The following LTBP1 variants were observed in gnomAD, a reference collection of about 807,000 sequenced individuals.
LTBP1 encodes the protein latent transforming growth factor beta binding protein 1, also known as latent-transforming growth factor beta-binding protein 1.
A neutral mutation model predicts 207.6 loss-of-function variants in LTBP1; 129 were observed. The ratio of observed to expected loss-of-function variants is 0.62; its 90% CI spans 0.54 to 0.72. LTBP1 has a LOEUF of 0.72. Among genes scored for constraint, LTBP1 ranks in the 30% least tolerant of loss-of-function variants. The probability of loss-of-function intolerance (pLI) is 0.00; values close to 1 mark genes in which losing one functional copy is unlikely to be tolerated. For synonymous variants in LTBP1, 963 were observed against 833.7 expected (o/e 1.16, Z -2.67); for missense variants, 2,281 against 2,217.2 (o/e 1.03, Z -0.58).
At chr2:33,022,227 G>C (rs935159558) in intron 3 of LTBP1, among the ~76,000 whole-genome samples, 1 of 146,906 alleles carries the variant, frequency 6.8e-6, no homozygotes, top group South Asian at 2.1e-4. Flanking sequence ...TCTTCTGAGT[G>C]TGGTCTTTTT....
At chr2:33,116,716 A>G (rs530549513) in intron 4 of LTBP1, among the ~76,000 whole-genome samples, 1 of 151,202 alleles carries the variant, frequency 6.6e-6, no homozygotes, top group Non-Finnish European at 1.5e-5. Flanking sequence ...TTGTCATCTG[A>G]TGTACTAACA....
Position 33,351,184 on chromosome 2 carries a change from T to A in LTBP1, c.4000+3674T>A, listed in dbSNP as rs149052866. Reference sequence around the variant, plus strand: ...GCTAATACATCTTATTCCCACATCATGAGCTATATCCTAGACTTCTGCATT... The same window carrying A: ...GCTAATACATCTTATTCCCACATCAAGAGCTATATCCTAGACTTCTGCATT... On this transcript the variant is annotated intron_variant, in intron 26 of 33. Transcript: ENST00000404816. Among the ~76,000 whole-genome samples, 1,493 of 152,356 alleles carry A rather than the reference T, an allele frequency of 9.8e-3. 10 individuals carry two copies. Among genetic ancestry groups the A allele is most frequent in the South Asian group, 0.02 (99 of 4,834 alleles).
chr2:32,978,641 G>A (rs1242136978), intron 2 of LTBP1, among the ~76,000 whole-genome samples: 2 of 150,092 alleles, frequency 1.3e-5, no homozygotes, highest in Non-Finnish European at 3.0e-5. Flanking sequence ...GTTTATTAAG[G>A]ATATTGGCCT....
At chr2:33,118,249 C>T (rs2150354603) in intron 4 of LTBP1, among the ~76,000 whole-genome samples, 1 of 151,022 alleles carries the variant, frequency 6.6e-6, no homozygotes, top group East Asian at 1.9e-4. Context: ...TTGGCTTACA[C>T]CAACCCAGTG....
chr2:33,207,219 A>T (rs2089951850), intron 7 of LTBP1, among the ~76,000 whole-genome samples: 1 of 152,106 alleles, frequency 6.6e-6, no homozygotes, highest in Admixed American at 6.6e-5. Context: ...TTCATATGTG[A>T]CTTTAAAAAC....
intron 3 of LTBP1, among the ~76,000 whole-genome samples, chr2:33,109,024 A>G (rs1322462121): frequency 6.6e-6 from 1 of 152,222 alleles, no homozygotes; most frequent in Non-Finnish European, 1.5e-5. Context: ...GGCCCAAAAT[A>G]GATTTTCCAG....
In LTBP1 at chr2:32,991,875, A is replaced by G. The variant is rs536728267; in HGVS notation, c.566-29034A>G. On this transcript the variant is annotated intron_variant, in intron 2 of 33. Transcript: ENST00000404816. ...CATGACCAATCCTTTTCTTTCAGAGACAACTTTAATGATTAAAAATGAAAT... is the reference window on the plus strand; with the variant it reads ...CATGACCAATCCTTTTCTTTCAGAGGCAACTTTAATGATTAAAAATGAAAT... Among the ~76,000 whole-genome samples, 3 of 152,312 alleles carry G rather than the reference A, an allele frequency of 2.0e-5. No individual in the cohort carries two copies. In the East Asian group the frequency reaches 5.8e-4, roughly 29 times the overall value.
intron 32 of LTBP1, among the ~76,000 whole-genome samples, chr2:33,390,681 G>A (rs1396532405): frequency 6.6e-6 from 1 of 151,908 alleles, no homozygotes; most frequent in African/African-American, 2.4e-5. Flanking sequence ...GTAGAGATGG[G>A]GGGTTTCACC....
rs545431252 is a variant in LTBP1 at position 33,300,504 on chromosome 2, A to G, written c.3289A>G (p.Thr1097Ala). 137 of 1,613,896 alleles carry G rather than the reference A, an allele frequency of 8.5e-5. 1 individual carries two copies. In the South Asian group the frequency reaches 1.4e-3, roughly 17 times the overall value. The change falls in exon 21 of 34, where the codon ACC (threonine) becomes GCC (alanine). Residue 1097 changes from threonine to alanine, a missense_variant. Physicochemically the swap from Thr to Ala is moderately conservative, Grantham distance 58. This residue lies in a region of LTBP1 where 1,671 missense variants were observed against 1,634.8 expected (regional missense o/e 1.02). Coordinates refer to ENST00000404816, the MANE Select transcript of LTBP1 (RefSeq NM_206943.4). Reference sequence around the variant, plus strand: ...ATGTGTAAACGGGCAGTGCAAAAATACCGAGGGCTCCTTCAGGTGCACCTG... The same window carrying G: ...ATGTGTAAACGGGCAGTGCAAAAATGCCGAGGGCTCCTTCAGGTGCACCTG... ...NLCVNGQCKN[T>A]EGSFRCTCGQ...
chr2:33,356,532 C>A lies in LTBP1; in HGVS notation c.4001-4065C>A, dbSNP rs535511205. Among the ~76,000 whole-genome samples the A allele has an allele frequency of 3.2e-4, 49 of 151,988 alleles. No homozygotes were observed. In the South Asian group the frequency reaches 8.9e-3, roughly 28 times the overall value. On this transcript the variant is annotated intron_variant, in intron 26 of 33. Coordinates refer to ENST00000404816, the MANE Select transcript of LTBP1 (RefSeq NM_206943.4). Reference sequence around the variant, plus strand: ...GTCTCTACTAAAAATACAAAAAATTCGCCGGGCATGGTGGCAGGCGCCTGT... The same window carrying A: ...GTCTCTACTAAAAATACAAAAAATTAGCCGGGCATGGTGGCAGGCGCCTGT...
intron 2 of LTBP1, among the ~76,000 whole-genome samples, chr2:33,011,710 T>C (rs1233053885): frequency 6.6e-6 from 1 of 151,996 alleles, no homozygotes; most frequent in Non-Finnish European, 1.5e-5. Flanking sequence ...TGGGCATTAG[T>C]GTTTTGTTCC....
intron 3 of LTBP1, among the ~76,000 whole-genome samples, chr2:33,044,324 C>T (rs1219337711): frequency 2.0e-5 from 3 of 151,978 alleles, no homozygotes; most frequent in Non-Finnish European, 2.9e-5. Context: ...TCCATGTGTT[C>T]TCATTGTTCA....
intron 2 of LTBP1, among the ~76,000 whole-genome samples, chr2:33,010,017 G>A (rs188776804): frequency 6.6e-6 from 1 of 152,166 alleles, no homozygotes; most frequent in African/African-American, 2.4e-5. Context: ...CATTTGGAGG[G>A]TGGGGAGAGA....
intron 4 of LTBP1, among the ~76,000 whole-genome samples, chr2:33,121,057 T>C (rs1440986539): frequency 6.6e-6 from 1 of 152,082 alleles, no homozygotes; most frequent in Non-Finnish European, 1.5e-5. Context: ...TTATTTCTCA[T>C]TAGATCCACT....
chr2:33,271,299 A>AT (rs61361062), intron 15 of LTBP1, among the ~76,000 whole-genome samples: 52,241 of 148,948 alleles, frequency 0.35, 9,126 homozygotes, highest in East Asian at 0.39. Context: ...TCACCTTCTA[A>AT]TTTTTTTTTT....
intron 8 of LTBP1, among the ~76,000 whole-genome samples, chr2:33,219,219 C>T (rs1048892335): frequency 2.0e-5 from 3 of 151,982 alleles, no homozygotes; most frequent in African/African-American, 7.2e-5. Flanking sequence ...AAAAATAATC[C>T]ATGTAAATAA....
At chr2:33,135,881 A>G (rs2082105663) in intron 5 of LTBP1, among the ~76,000 whole-genome samples, 1 of 152,342 alleles carries the variant, frequency 6.6e-6, no homozygotes, top group African/African-American at 2.4e-5. Context: ...ACTCACAAGA[A>G]TAACCCAAAT....
At chr2:33,333,675 G>A (rs911165133) in intron 24 of LTBP1, among the ~76,000 whole-genome samples, 1 of 152,182 alleles carries the variant, frequency 6.6e-6, no homozygotes, top group South Asian at 2.1e-4. Flanking sequence ...GATCAAGAGT[G>A]TGAGTTGGTT....
intron 5 of LTBP1, among the ~76,000 whole-genome samples, chr2:33,154,889 C>T (rs1457835884): frequency 4.6e-5 from 7 of 151,978 alleles, no homozygotes. Flanking sequence ...ACAGTGAAAC[C>T]CCATCTCTAC....
Sources: gnomAD v4.1 joint callset for allele counts (sites outside exome capture counted in the v4.1 genomes callset) on GRCh38, gnomAD v4.1.1 for gene constraint, gnomAD v4.1.1 regional missense constraint, MANE v1.5 for transcripts, NCBI Gene and HGNC (gene_info 2026-07-23, HGNC 2026-07-21) for gene names.